SLC8B1: variants seen among roughly 807,000 people sequenced by gnomAD.
SLC8B1 encodes the protein solute carrier family 8 member B1.
Under a neutral mutation model 63.4 loss-of-function variants are expected in SLC8B1, and 52 were observed. The observed-to-expected ratio is 0.82, with a 90% confidence interval of 0.66 to 1.03. The LOEUF is 1.03. Ranked by LOEUF, SLC8B1 falls within the 50% of genes least tolerant of loss-of-function variation. The probability of loss-of-function intolerance (pLI) is 0.00; values close to 1 mark genes in which losing one functional copy is unlikely to be tolerated. For missense variants in SLC8B1, 657 were observed against 741.7 expected (o/e 0.89, Z 1.33); for synonymous variants, 336 against 323.9 (o/e 1.04, Z -0.40).
chr12:113,330,979 A>T (rs2136869918), intron 2 of SLC8B1, among the ~76,000 whole-genome samples: 1 of 152,258 alleles, frequency 6.6e-6, no homozygotes, highest in Non-Finnish European at 1.5e-5. Flanking sequence ...AGTTCTCTGT[A>T]GCCTGTCTCA....
Position 113,304,402 on chromosome 12 carries a change from G to A in SLC8B1, c.1493-17C>T. 1 of 1,612,938 alleles carries A rather than the reference G, an allele frequency of 6.2e-7. No individual in the cohort carries two copies. The highest frequency in any genetic ancestry group is 1.3e-5 in the African/African-American group (1 of 75,046). On this transcript the variant is annotated splice_polypyrimidine_tract_variant and intron_variant, in intron 14 of 15. Transcript: ENST00000680972. The stretch of plus-strand genomic sequence containing the variant: ...CGAGGATGTCTGCAGCCCAGCTCAG[G>A]AAGCTTTGCTGGAATGGCCTGCACA...
intron 2 of SLC8B1, among the ~76,000 whole-genome samples, chr12:113,330,102 C>T (rs2136868948): frequency 6.6e-6 from 1 of 152,336 alleles, no homozygotes; most frequent in Middle Eastern, 3.4e-3. Flanking sequence ...CTCCCCCTCA[C>T]CCTGTGGAAT....
chr12:113,318,987 A>C lies in SLC8B1; in HGVS notation c.779T>G (p.Phe260Cys). The change falls in exon 8 of 16, where the codon TTC becomes TGC. Residue 260 changes from phenylalanine (F) to cysteine (C), a missense_variant. Coordinates refer to ENST00000680972, the MANE Select transcript of SLC8B1 (RefSeq NM_001358345.2). ...ACCTGGAGTAACTGGCATGGGGCAG[A>C]ACAGAGATCCTCTCCGTTGCCGTTG... is the stretch of plus-strand genomic sequence containing the variant. ...IYQRQRRGSL[F>C]CPMPVTPEIL... 1 of 1,614,024 alleles carries C rather than the reference A, an allele frequency of 6.2e-7. No individual in the cohort carries two copies. The highest frequency in any genetic ancestry group is 8.5e-7 in the Non-Finnish European group (1 of 1,179,930).
At chr12:113,330,081 G>A (rs1229876656) in intron 2 of SLC8B1, among the ~76,000 whole-genome samples, 1 of 152,144 alleles carries the variant, frequency 6.6e-6, no homozygotes, top group Non-Finnish European at 1.5e-5. Context: ...CCTAAGCAAA[G>A]CAGCACCCCC....
At chr12:113,307,406 G>A (rs923005023) in intron 13 of SLC8B1, among the ~76,000 whole-genome samples, 5 of 152,104 alleles carry the variant, frequency 3.3e-5, no homozygotes, top group African/African-American at 4.8e-5. Context: ...AAGCACGGCC[G>A]GCTGCAATGG....
chr12:113,334,638 T>C lies in SLC8B1; in HGVS notation c.-278A>G, dbSNP rs977880341. On this transcript the variant is annotated 5_prime_UTR_variant, in exon 1 of 16. Coordinates refer to ENST00000680972, the MANE Select transcript of SLC8B1 (RefSeq NM_001358345.2). ...GGCCTCTTATTCCTCATGTGTGAAA[T>C]GGACACAAATGCTGGCCGACGCGGT... is the stretch of plus-strand genomic sequence containing the variant. 1.3e-5 allele frequency: 2 copies of C among 152,226 alleles called. No individual in the cohort carries two copies. Among genetic ancestry groups the C allele is most frequent in the African/African-American group, 4.8e-5 (2 of 41,456 alleles). 9.4% of individuals were successfully genotyped at this position (152,226 alleles called of 1,614,324 possible). A position where few individuals can be genotyped will look rare whatever the true frequency, so the allele number is the denominator to read the frequency against.
chr12:113,321,891 C>T (rs1956937181), intron 2 of SLC8B1, among the ~76,000 whole-genome samples: 1 of 151,872 alleles, frequency 6.6e-6, no homozygotes, highest in Non-Finnish European at 1.5e-5. Flanking sequence ...CTCAATTAAT[C>T]TGTACAATAA....
At position 113,305,561 on chromosome 12, in the gene SLC8B1, C is replaced by T. The variant is rs1485792840; in HGVS notation, c.1492+934G>A. Among the ~76,000 whole-genome samples the T allele has an allele frequency of 6.6e-6, 1 of 152,274 alleles. No homozygotes were observed. Among genetic ancestry groups the T allele is most frequent in the Non-Finnish European group, 1.5e-5 (1 of 68,044 alleles). On this transcript the variant is annotated intron_variant, in intron 14 of 15. Coordinates refer to ENST00000680972, the MANE Select transcript of SLC8B1 (RefSeq NM_001358345.2). The surrounding 1 kb of genome is among the most constrained non-coding windows in gnomAD (Gnocchi z 4.3). Reference sequence around the variant, plus strand: ...CTTTCTCTTCATAGCCCCAGGCTGGCTATATCCGTCTTTTCTATATAGACC... The same window carrying T: ...CTTTCTCTTCATAGCCCCAGGCTGGTTATATCCGTCTTTTCTATATAGACC...
At chr12:113,321,028 C>A (rs778733228) in intron 4 of SLC8B1, 28 bp downstream of exon 4, 44 of 1,605,460 alleles carry the variant, frequency 2.7e-5, no homozygotes, top group Non-Finnish European at 3.0e-5. Flanking sequence ...CATTGATAAG[C>A]CAGACCGGAG....
chr12:113,310,755 G>C (rs900881487), intron 11 of SLC8B1, among the ~76,000 whole-genome samples: 1 of 152,112 alleles, frequency 6.6e-6, no homozygotes, highest in Non-Finnish European at 1.5e-5. Flanking sequence ...GTCAAACCCA[G>C]CCTCTTCACT....
Position 113,299,732 on chromosome 12 carries a change from C to T in SLC8B1, c.*45G>A, listed in dbSNP as rs754357495. ...CCTGGGCCTCCCCCGGCAGGAGGGG[C>T]GGGGCTCCTGCCTGCAGTGAGGCCA... is the stretch of plus-strand genomic sequence containing the variant. On this transcript the variant is annotated 3_prime_UTR_variant, in exon 16 of 16. Coordinates refer to ENST00000680972, the MANE Select transcript of SLC8B1 (RefSeq NM_001358345.2). The T allele has an allele frequency of 3.8e-5, 61 of 1,591,184 alleles. No homozygotes were observed. The South Asian group carries it at 5.6e-4, about 14-fold the overall frequency.
Position 113,305,659 on chromosome 12 carries a change from A to G in SLC8B1, c.1492+836T>C, listed in dbSNP as rs1306252543. The stretch of plus-strand genomic sequence containing the variant: ...GCTTTTATAAATAAAGTTTTATTGG[A>G]ACAGAGCCATGGCCATTCACTTATG... On this transcript the variant is annotated intron_variant, in intron 14 of 15. Coordinates refer to ENST00000680972, the MANE Select transcript of SLC8B1 (RefSeq NM_001358345.2). The surrounding 1 kb of genome is among the most constrained non-coding windows in gnomAD (Gnocchi z 4.3). Among the ~76,000 whole-genome samples the G allele has an allele frequency of 6.6e-6, 1 of 152,248 alleles. No individual in the cohort carries two copies. Among genetic ancestry groups the G allele is most frequent in the Non-Finnish European group, 1.5e-5 (1 of 68,044 alleles).
intron 15 of SLC8B1, among the ~76,000 whole-genome samples, chr12:113,303,208 G>C (rs187655117): frequency 1.3e-5 from 2 of 152,040 alleles, no homozygotes; most frequent in East Asian, 3.9e-4. Context: ...CTCATTACCT[G>C]GAACTACCCT....
At position 113,310,280 on chromosome 12, in the gene SLC8B1, A is replaced by G. The variant is rs778329829; in HGVS notation, c.1211T>C (p.Val404Ala). 41 of 1,613,904 alleles carry G rather than the reference A, an allele frequency of 2.5e-5. No individual in the cohort carries two copies. In the Admixed American group the frequency reaches 6.5e-4, roughly 26 times the overall value. ...VVIAGTALASVTFFATSDSQP... is the reference protein window; with the variant it reads ...VVIAGTALASATFFATSDSQP... Reference sequence around the variant, plus strand: ...GCTGTCAGATGTGGCAAAAAAGGTCACTGAAGCCAAGGCTGTGCCTGCGAT... The same window carrying G: ...GCTGTCAGATGTGGCAAAAAAGGTCGCTGAAGCCAAGGCTGTGCCTGCGAT... Residue 404 changes from valine (V) to alanine (A), a missense_variant, in exon 12 of 16, where the codon GTG (valine) becomes GCG (alanine). Physicochemically the swap from Val to Ala is moderately conservative, Grantham distance 64 (BLOSUM62 0). Transcript: ENST00000680972.
chr12:113,319,221 C>G (rs1956886135), intron 7 of SLC8B1, 150 bp from the exon 8 acceptor site: 1 of 621,390 alleles, frequency 1.6e-6, no homozygotes, highest in Non-Finnish European at 3.0e-6. Flanking sequence ...TTTCCTTGAG[C>G]TCCCCACTCC....
intron 11 of SLC8B1, among the ~76,000 whole-genome samples, chr12:113,310,604 A>C (rs1161221380): frequency 6.6e-6 from 1 of 152,182 alleles, no homozygotes; most frequent in Admixed American, 6.6e-5. Context: ...GGCTATAACC[A>C]CTAACACCAC....
At chr12:113,309,294 G>C (rs904025576) in intron 12 of SLC8B1, among the ~76,000 whole-genome samples, 1 of 145,974 alleles carries the variant, frequency 6.9e-6, no homozygotes, top group Non-Finnish European at 1.5e-5. Flanking sequence ...TCAGCCTCCC[G>C]AGTAGCTGAG....
chr12:113,331,947 TC>T (rs1338104142), intron 2 of SLC8B1, among the ~76,000 whole-genome samples: 1 of 152,076 alleles, frequency 6.6e-6, no homozygotes, highest in East Asian at 1.9e-4. Context: ...CTCTCCATCC[TC>T]CTCTCTTAGC....
At chr12:113,313,552 C>T (rs1956791139) in intron 11 of SLC8B1, among the ~76,000 whole-genome samples, 1 of 152,086 alleles carries the variant, frequency 6.6e-6, no homozygotes, top group East Asian at 1.9e-4. Context: ...ACCAGCCTGG[C>T]CGACATAGTG....
Sources: allele counts gnomAD v4.1 joint callset (sites outside exome capture counted in the v4.1 genomes callset), GRCh38; gene constraint gnomAD v4.1.1; non-coding constraint Gnocchi (gnomAD v3.1); transcripts MANE v1.5; gene names NCBI Gene and HGNC (gene_info 2026-07-23, HGNC 2026-07-21).